SETD2: variants seen among roughly 807,000 people sequenced by gnomAD.
SETD2 encodes SET domain containing 2, histone lysine methyltransferase.
SETD2 carries 31 observed loss-of-function variants against 242.1 expected under a neutral mutation model. The ratio of observed to expected loss-of-function variants is 0.13; its 90% CI spans 0.10 to 0.17. SETD2 has a LOEUF of 0.17. SETD2 is among the 10% of genes least tolerant of loss of function. SETD2 has a pLI of 1.00. For missense variants in SETD2, 2,481 were observed against 3,046.3 expected (o/e 0.81, Z 4.37); for synonymous variants, 1,006 against 1,066.5 (o/e 0.94, Z 1.11).
chr3:47,031,181 G>A (rs2038749722), intron 18 of SETD2, among the ~76,000 whole-genome samples: 1 of 152,162 alleles, frequency 6.6e-6, no homozygotes, highest in Non-Finnish European at 1.5e-5. Flanking sequence ...ATGCTATATA[G>A]ATGACACGAT....
chr3:47,163,945 G>C lies in SETD2; in HGVS notation c.-21C>G. On this transcript the variant is annotated 5_prime_UTR_variant, in exon 1 of 21. Transcript: ENST00000409792. The stretch of plus-strand genomic sequence containing the variant: ...TTCATCGGGAGCGGCTGGAGACGGC[G>C]ACGCGAGCCCCCTCCCCGCAGCAGG... 1 of 1,280,838 alleles carries C rather than the reference G, an allele frequency of 7.8e-7. No homozygotes were observed. The highest frequency in any genetic ancestry group is 9.9e-7 in the Non-Finnish European group (1 of 1,008,050). The allele number at this position is 1,280,838 out of a possible 1,614,324, so 79.3% of individuals were successfully genotyped here. A position where few individuals can be genotyped will look rare whatever the true frequency, so the allele number is the denominator to read the frequency against.
At chr3:47,113,826 G>C (rs375565929) in intron 5 of SETD2, 50 bp downstream of exon 5, 1 of 1,585,298 alleles carries the variant, frequency 6.3e-7, no homozygotes, top group Non-Finnish European at 8.6e-7. Context: ...GTGAAAGAGT[G>C]AGACCTTGTC....
chr3:47,064,782 TATATA>T, intron 13 of SETD2, among the ~76,000 whole-genome samples: 1 of 147,652 alleles, frequency 6.8e-6, no homozygotes, highest in East Asian at 1.9e-4. Flanking sequence ...ATATATAAAA[TATATA>T]AAATAATATA....
chr3:47,115,816 T>C (rs993686950), intron 4 of SETD2, among the ~76,000 whole-genome samples: 2 of 152,110 alleles, frequency 1.3e-5, no homozygotes, highest in Non-Finnish European at 2.9e-5. Flanking sequence ...GGCTAATTTT[T>C]GTATTTTTTA....
At chr3:47,163,675 G>T in intron 1 of SETD2, 179 bp downstream of exon 1, 1 of 444,110 alleles carries the variant, frequency 2.3e-6, no homozygotes, top group Non-Finnish European at 3.5e-6. Context: ...GGCCTGCTGC[G>T]GCCCCGGCCA....
intron 1 of SETD2, among the ~76,000 whole-genome samples, chr3:47,156,076 A>C (rs1049320388): frequency 2.0e-5 from 3 of 152,192 alleles, no homozygotes. Flanking sequence ...TAACCAGGAT[A>C]GGTTCAGAGA....
At chr3:47,157,499 C>G (rs1003317840) in intron 1 of SETD2, 3 of 455,900 alleles carry the variant, frequency 6.6e-6, no homozygotes, top group Non-Finnish European at 1.3e-5. Flanking sequence ...TTTCTTTTGA[C>G]CAAATTTGCC....
chr3:47,106,281 T>C (rs944888013), intron 5 of SETD2, among the ~76,000 whole-genome samples, 161 bp from the exon 6 acceptor site: 1 of 152,120 alleles, frequency 6.6e-6, no homozygotes, highest in African/African-American at 2.4e-5. Flanking sequence ...ATCTAGCTTC[T>C]AACCAAGGTT....
In SETD2 at chr3:47,120,741, A is replaced by AATC. The variant is rs1277127386; in HGVS notation, c.3892_3894dup (p.Asp1298dup). The AATC allele has an allele frequency of 3.7e-6, 6 of 1,614,208 alleles. No individual in the cohort carries two copies. Among genetic ancestry groups the AATC allele is most frequent in the Non-Finnish European group, 5.1e-6 (6 of 1,180,036 alleles). ...TCCCAGTAACCATTGCCTTGCCAGT[A>AATC]ATCACGTGTCCCACCATACTGTTCT... On this transcript the variant is annotated inframe_insertion, in exon 3 of 21. Transcript: ENST00000409792.
intron 1 of SETD2, among the ~76,000 whole-genome samples, chr3:47,162,445 T>C (rs559735268): frequency 6.6e-6 from 1 of 152,216 alleles, no homozygotes; most frequent in East Asian, 1.9e-4. Context: ...CAAGAACCCA[T>C]GAAAGGAAAA....
intron 15 of SETD2, among the ~76,000 whole-genome samples, chr3:47,054,959 T>C (rs1188297967): frequency 6.6e-6 from 1 of 152,148 alleles, no homozygotes. Flanking sequence ...GTCAAATCTC[T>C]TTCCCCTACT....
At position 47,042,451 on chromosome 3, in the gene SETD2, C is replaced by T. The variant is rs960936011; in HGVS notation, c.7238+110G>A. ...CTGGAAATCCAGCAGCCTTCAAGCACAGTGAAAAGCTAATGACAAGAAGTT... is the reference window on the plus strand; with the variant it reads ...CTGGAAATCCAGCAGCCTTCAAGCATAGTGAAAAGCTAATGACAAGAAGTT... On this transcript the variant is annotated intron_variant, in intron 17 of 20. Coordinates refer to ENST00000409792, the MANE Select transcript of SETD2 (RefSeq NM_014159.7). 10 of 1,019,714 alleles carry T rather than the reference C, an allele frequency of 9.8e-6. No individual in the cohort carries two copies. In the African/African-American group the frequency reaches 1.3e-4, roughly 13 times the overall value. 63.2% of individuals were successfully genotyped at this position (1,019,714 alleles called of 1,614,324 possible).
In SETD2 at chr3:47,122,321, T is replaced by C; in HGVS notation, c.2315A>G (p.Lys772Arg). 3 of 1,614,214 alleles carry C rather than the reference T, an allele frequency of 1.9e-6. No individual in the cohort carries two copies. Among genetic ancestry groups the C allele is most frequent in the Non-Finnish European group, 8.5e-7 (1 of 1,180,030 alleles). Reference protein sequence around the residue: ...SMPVMTVDYSKTVVKEPVDTR... With the variant: ...SMPVMTVDYSRTVVKEPVDTR... The stretch of plus-strand genomic sequence containing the variant: ...ATCAACTGGTTCTTTAACTACTGTT[T>C]TGGAATAATCCACAGTCATAACTGG... Residue 772 changes from lysine to arginine, a missense_variant, in exon 3 of 21, where the codon AAA (lysine) becomes AGA (arginine). By Grantham distance (26) the Lys-to-Arg change is conservative (BLOSUM62 2). Transcript: ENST00000409792.
chr3:47,071,570 A>G (rs1319906769), intron 12 of SETD2, among the ~76,000 whole-genome samples: 3 of 152,210 alleles, frequency 2.0e-5, no homozygotes, highest in Non-Finnish European at 4.4e-5. Context: ...ATAAATATAC[A>G]TTTGAAATTC....
At chr3:47,111,357 C>T (rs1327580751) in intron 5 of SETD2, among the ~76,000 whole-genome samples, 1 of 151,868 alleles carries the variant, frequency 6.6e-6, no homozygotes, top group Non-Finnish European at 1.5e-5. Flanking sequence ...CAATTAAAAA[C>T]CAGTTATGAG....
intron 12 of SETD2, among the ~76,000 whole-genome samples, chr3:47,068,799 TTTTTGTTTTG>T (rs970654603): frequency 6.9e-6 from 1 of 145,484 alleles, no homozygotes; most frequent in African/African-American, 2.6e-5. Context: ...CCGGCCTATC[TTTTTGTTTTG>T]TTTTGTTTTT....
intron 15 of SETD2, among the ~76,000 whole-genome samples, chr3:47,051,113 T>A (rs1340344745): frequency 6.6e-6 from 1 of 151,654 alleles, no homozygotes; most frequent in Non-Finnish European, 1.5e-5. Flanking sequence ...CCCTACATTT[T>A]TTTTTTTCTG....
chr3:47,091,154 C>T (rs979174832), intron 9 of SETD2, among the ~76,000 whole-genome samples: 1 of 152,132 alleles, frequency 6.6e-6, no homozygotes, highest in African/African-American at 2.4e-5. Flanking sequence ...CCAAGAAAGA[C>T]AATTTCATTA....
intron 1 of SETD2, 55 bp from the exon 2 acceptor site, chr3:47,126,718 C>G: frequency 9.8e-7 from 1 of 1,024,102 alleles, no homozygotes; most frequent in South Asian, 1.4e-5. Context: ...ATCATAAATA[C>G]TTAAAAACGA....
Sources: allele counts gnomAD v4.1 joint callset (sites outside exome capture counted in the v4.1 genomes callset), GRCh38; gene constraint gnomAD v4.1.1; transcripts MANE v1.5; gene names NCBI Gene and HGNC (gene_info 2026-07-23, HGNC 2026-07-21).